Variants in NALF1 observed in about 807,000 individuals in gnomAD.
The protein encoded by NALF1 is NALCN channel auxiliary factor 1.
A neutral mutation model predicts 48.4 loss-of-function variants in NALF1; 3 were observed. The observed-to-expected ratio is 0.06, with a 90% CI of 0.03 to 0.16. NALF1 has a LOEUF of 0.16. NALF1 is among the 10% of genes least tolerant of loss of function. The pLI, the probability that NALF1 is intolerant of heterozygous loss-of-function variation, is 1.00. For missense variants in NALF1, 526 were observed against 571.5 expected, an observed-to-expected ratio of 0.92 and a Z score of 0.81; for synonymous variants, 262 against 245.7, an observed-to-expected ratio of 1.07 and a Z score of -0.62.
At chr13:107,721,699 A>T (rs535182259) in intron 1 of NALF1, among the ~76,000 whole-genome samples, 1 of 152,080 alleles carries the variant, frequency 6.6e-6, no homozygotes, top group Non-Finnish European at 1.5e-5. Context: ...CCAGGGAGGG[A>T]TGGACGCTGG....
At chr13:107,565,290 C>A (rs1237261353) in intron 1 of NALF1, among the ~76,000 whole-genome samples, 1 of 150,222 alleles carries the variant, frequency 6.7e-6, no homozygotes, top group Admixed American at 6.7e-5. Context: ...GAGACTCATG[C>A]CAGAGCGTCC....
chr13:107,322,674 G>A (rs544542766), intron 1 of NALF1, among the ~76,000 whole-genome samples: 1 of 152,172 alleles, frequency 6.6e-6, no homozygotes, highest in African/African-American at 2.4e-5. Context: ...GATTTTGATG[G>A]GCTCAGTACA....
At chr13:107,828,034 G>C (rs1034668365) in intron 1 of NALF1, among the ~76,000 whole-genome samples, 1 of 152,166 alleles carries the variant, frequency 6.6e-6, no homozygotes, top group African/African-American at 2.4e-5. Flanking sequence ...GAAGCTGGCT[G>C]TGCCAATGTA....
At chr13:107,670,958 C>T (rs1356777214) in intron 1 of NALF1, among the ~76,000 whole-genome samples, 3 of 152,078 alleles carry the variant, frequency 2.0e-5, no homozygotes, top group Admixed American at 1.3e-4. Context: ...ATGGACAATA[C>T]ACCTAGGATC....
chr13:107,631,471 T>C lies in NALF1; in HGVS notation c.915+234211A>G, dbSNP rs146996247. On this transcript the variant is annotated intron_variant, in intron 1 of 2. Coordinates refer to ENST00000375915, the MANE Select transcript of NALF1 (RefSeq NM_001080396.3). ...AAATGATCACCTTAGTTTTGATTTTTAGTTCGTTGAATTATGAGAAAATTA... is the reference window on the plus strand; with the variant it reads ...AAATGATCACCTTAGTTTTGATTTTCAGTTCGTTGAATTATGAGAAAATTA... Among the ~76,000 whole-genome samples, 913 of 152,324 alleles carry C rather than the reference T, an allele frequency of 6.0e-3. 9 individuals are homozygous for C. Among genetic ancestry groups the C allele is most frequent in the Middle Eastern group, 0.02 (6 of 294 alleles).
At chr13:107,537,972 G>A (rs1876883934) in intron 1 of NALF1, among the ~76,000 whole-genome samples, 1 of 151,942 alleles carries the variant, frequency 6.6e-6, no homozygotes, top group South Asian at 2.1e-4. Context: ...AGCCAACATC[G>A]AGTCACTGCA....
intron 1 of NALF1, among the ~76,000 whole-genome samples, chr13:107,539,817 G>A (rs534605560): frequency 6.0e-4 from 91 of 152,094 alleles, no homozygotes; most frequent in Non-Finnish European, 9.4e-4. Flanking sequence ...AATTGGTGAA[G>A]CTAAGACTCA....
intron 1 of NALF1, among the ~76,000 whole-genome samples, chr13:107,749,765 T>C (rs1470786412): frequency 6.6e-6 from 1 of 152,042 alleles, no homozygotes; most frequent in African/African-American, 2.4e-5. Flanking sequence ...AAACTTGATA[T>C]GAAATTATTT....
intron 1 of NALF1, among the ~76,000 whole-genome samples, chr13:107,670,931 T>C (rs952073128): frequency 6.6e-6 from 1 of 152,108 alleles, no homozygotes; most frequent in African/African-American, 2.4e-5. Context: ...CTCTTCTCCA[T>C]CCTTTCGAGT....
At chr13:107,849,127 G>T (rs1232691018) in intron 1 of NALF1, among the ~76,000 whole-genome samples, 1 of 152,134 alleles carries the variant, frequency 6.6e-6, no homozygotes, top group Non-Finnish European at 1.5e-5. Flanking sequence ...ATGACCATTA[G>T]GGATTTAGCT....
intron 1 of NALF1, among the ~76,000 whole-genome samples, chr13:107,776,574 T>C (rs1477654333): frequency 6.6e-6 from 1 of 152,232 alleles, no homozygotes; most frequent in African/African-American, 2.4e-5. Context: ...TTAATTCATC[T>C]ATTACATTAA....
chr13:107,842,083 T>A (rs9520597), intron 1 of NALF1, among the ~76,000 whole-genome samples: 53,898 of 151,840 alleles, frequency 0.35, 12,076 homozygotes, highest in Non-Finnish European at 0.51. Flanking sequence ...ATTTAGAACA[T>A]TTTAGCCAAT....
chr13:107,194,965 C>A (rs1280369810), intron 2 of NALF1, among the ~76,000 whole-genome samples: 3 of 152,024 alleles, frequency 2.0e-5, no homozygotes, highest in South Asian at 2.1e-4. Context: ...GATAAGAAAA[C>A]CTGCTCAACA....
At chr13:107,688,904 G>T (rs901463491) in intron 1 of NALF1, among the ~76,000 whole-genome samples, 2 of 152,188 alleles carry the variant, frequency 1.3e-5, no homozygotes, top group Non-Finnish European at 2.9e-5. Context: ...CCAAAGTGCT[G>T]CAGACAAGAG....
At chr13:107,739,977 A>G (rs377242293) in intron 1 of NALF1, among the ~76,000 whole-genome samples, 2 of 152,312 alleles carry the variant, frequency 1.3e-5, no homozygotes, top group South Asian at 4.1e-4. Flanking sequence ...AAACAAGCTC[A>G]GGGCTTGCAC....
At chr13:107,783,013 G>A (rs1390019445) in intron 1 of NALF1, among the ~76,000 whole-genome samples, 1 of 146,988 alleles carries the variant, frequency 6.8e-6, no homozygotes, top group Non-Finnish European at 1.5e-5. Context: ...CCGGGAGGGA[G>A]GTGGGGGGTC....
At chr13:107,786,032 G>A (rs1425366495) in intron 1 of NALF1, among the ~76,000 whole-genome samples, 2 of 152,160 alleles carry the variant, frequency 1.3e-5, no homozygotes, top group Non-Finnish European at 2.9e-5. Flanking sequence ...CAGAAAGAAA[G>A]TCACAGAGTC....
chr13:107,839,598 A>C (rs1879991247), intron 1 of NALF1, among the ~76,000 whole-genome samples: 2 of 151,704 alleles, frequency 1.3e-5, no homozygotes, highest in African/African-American at 4.9e-5. Context: ...AGTTCAAGAA[A>C]CTTGCCCGAT....
At chr13:107,794,790 C>T (rs1274830256) in intron 1 of NALF1, among the ~76,000 whole-genome samples, 1 of 152,040 alleles carries the variant, frequency 6.6e-6, no homozygotes, top group Non-Finnish European at 1.5e-5. Flanking sequence ...TTATTTTTAT[C>T]TGTCCTTTTT....
Sources: gnomAD v4.1 joint callset for allele counts (sites outside exome capture counted in the v4.1 genomes callset) on GRCh38, gnomAD v4.1.1 for gene constraint, MANE v1.5 for transcripts, NCBI Gene and HGNC (gene_info 2026-07-23, HGNC 2026-07-21) for gene names.